AFG2A: variants seen among roughly 807,000 people sequenced by gnomAD.
The protein encoded by AFG2A is AAA ATPase AFG2A.
At chr4:123,106,618 A>T in the AFG2A span, among the ~76,000 whole-genome samples, 10 of 152,212 alleles carry the variant, frequency 6.6e-5, no homozygotes, top group Non-Finnish European at 1.0e-4. Context: ...TCTTTTACCA[A>T]CCTTTGACTA....
At chr4:122,940,942 G>A in the AFG2A span, among the ~76,000 whole-genome samples, 2 of 151,612 alleles carry the variant, frequency 1.3e-5, no homozygotes, top group Non-Finnish European at 2.9e-5. Context: ...TCAGATAGTT[G>A]TAGATATGTG....
chr4:123,151,119 T>C, the AFG2A span, among the ~76,000 whole-genome samples: 7 of 152,138 alleles, frequency 4.6e-5, no homozygotes, highest in African/African-American at 1.7e-4. Flanking sequence ...AAAAATTAAC[T>C]CAAGATGGAT....
At chr4:123,007,603 TG>T in the AFG2A span, among the ~76,000 whole-genome samples, 1 of 16,250 alleles carries the variant, frequency 6.2e-5, no homozygotes, top group Admixed American at 5.7e-4. Context: ...TGTGTGTGTG[TG>T]TGTGTATATA....
chr4:122,955,236 G>A, the AFG2A span, among the ~76,000 whole-genome samples: 1 of 152,002 alleles, frequency 6.6e-6, no homozygotes, highest in Non-Finnish European at 1.5e-5. Context: ...CTTTTATTTG[G>A]CACCCTCCGT....
chr4:122,987,114 C>G, the AFG2A span, among the ~76,000 whole-genome samples: 1 of 151,890 alleles, frequency 6.6e-6, no homozygotes, highest in East Asian at 1.9e-4. Flanking sequence ...TCTATTTTGT[C>G]TAATATAAGT....
the AFG2A span, among the ~76,000 whole-genome samples, chr4:123,064,013 A>G: frequency 6.6e-6 from 1 of 152,144 alleles, no homozygotes; most frequent in African/African-American, 2.4e-5. Context: ...AAAAAATCGT[A>G]TATTTCGTGC....
chr4:123,279,183 A>G, the AFG2A span, among the ~76,000 whole-genome samples: 24 of 152,338 alleles, frequency 1.6e-4, no homozygotes, highest in East Asian at 4.6e-3. Flanking sequence ...TGGGAGGCCA[A>G]GGCGGGTGGA....
chr4:123,217,345 G>A, the AFG2A span, among the ~76,000 whole-genome samples: 1 of 152,166 alleles, frequency 6.6e-6, no homozygotes, highest in Non-Finnish European at 1.5e-5. Context: ...CCAAGATGTT[G>A]ACAGAGCCTA....
the AFG2A span, among the ~76,000 whole-genome samples, chr4:123,185,283 C>T: frequency 6.6e-6 from 1 of 151,704 alleles, no homozygotes; most frequent in African/African-American, 2.4e-5. Context: ...TTGTTATGCC[C>T]ATTTTACTGT....
At chr4:122,947,439 T>C in the AFG2A span, 1 of 1,614,092 alleles carries the variant, frequency 6.2e-7, no homozygotes, top group Admixed American at 1.7e-5. Context: ...TGGCAAATAG[T>C]GCTCATGGAT....
the AFG2A span, among the ~76,000 whole-genome samples, chr4:123,162,612 C>T: frequency 6.6e-6 from 1 of 152,036 alleles, no homozygotes; most frequent in Non-Finnish European, 1.5e-5. Flanking sequence ...CAAATAAATA[C>T]AAAATATAGA....
chr4:123,143,224 A>T, the AFG2A span, among the ~76,000 whole-genome samples: 2 of 151,684 alleles, frequency 1.3e-5, no homozygotes, highest in Admixed American at 1.3e-4. Context: ...ACCCGACTTT[A>T]GCACTAAAAT....
At chr4:123,274,359 C>A in the AFG2A span, among the ~76,000 whole-genome samples, 1 of 151,720 alleles carries the variant, frequency 6.6e-6, no homozygotes, top group Admixed American at 6.6e-5. Context: ...GTTTACCATC[C>A]TAAAAACTCT....
the AFG2A span, among the ~76,000 whole-genome samples, chr4:122,929,676 G>A: frequency 6.7e-6 from 1 of 150,040 alleles, no homozygotes; most frequent in Non-Finnish European, 1.5e-5. Flanking sequence ...TCCAGCCTGG[G>A]TGACAGAGTG....
At chr4:122,996,486 G>GGGAT in the AFG2A span, among the ~76,000 whole-genome samples, 15 of 151,986 alleles carry the variant, frequency 9.9e-5, no homozygotes, top group Non-Finnish European at 1.5e-4. Context: ...AACAACCAAT[G>GGGAT]GGATGGATGG....
At chr4:123,069,233 A>G in the AFG2A span, among the ~76,000 whole-genome samples, 2 of 152,168 alleles carry the variant, frequency 1.3e-5, no homozygotes, top group South Asian at 4.1e-4. Context: ...TCCATGATAT[A>G]TTAATTAATG....
At chr4:123,267,867 A>G in the AFG2A span, among the ~76,000 whole-genome samples, 3 of 152,014 alleles carry the variant, frequency 2.0e-5, no homozygotes. Flanking sequence ...GGGCCTAAAC[A>G]TAAGTTTACA....
the AFG2A span, chr4:122,938,078 TAAAATC>T: frequency 6.8e-7 from 1 of 1,475,622 alleles, no homozygotes; most frequent in South Asian, 1.5e-5. Flanking sequence ...AAGTAAAACT[TAAAATC>T]AAATATAGAT....
chr4:123,209,172 A>G, the AFG2A span, among the ~76,000 whole-genome samples: 1 of 152,212 alleles, frequency 6.6e-6, no homozygotes, highest in Non-Finnish European at 1.5e-5. Flanking sequence ...ACCCTGATTT[A>G]TAGCTCATCA....
Sources: allele counts gnomAD v4.1 joint callset (sites outside exome capture counted in the v4.1 genomes callset), GRCh38; gene constraint gnomAD v4.1.1; transcripts MANE v1.5; gene names NCBI Gene and HGNC (gene_info 2026-07-23, HGNC 2026-07-21).